ZNF438: variants seen among roughly 807,000 people sequenced by gnomAD.
ZNF438 encodes zinc finger protein 438.
In ZNF438, 25 loss-of-function variants were observed where a neutral mutation model predicts 38.0. The observed-to-expected ratio is 0.66, with a 90% CI of 0.48 to 0.92. The LOEUF (loss-of-function observed/expected upper bound fraction) is 0.92. ZNF438 is among the 40% of genes least tolerant of loss of function. The pLI is 0.00. For synonymous variants in ZNF438, 372 were observed against 364.1 expected (o/e 1.02, Z -0.25); for missense variants, 1,007 against 999.6 (o/e 1.01, Z -0.10).
At chr10:30,946,624 A>G (rs2047445301) in intron 1 of ZNF438, among the ~76,000 whole-genome samples, 1 of 152,246 alleles carries the variant, frequency 6.6e-6, no homozygotes, top group Non-Finnish European at 1.5e-5. Flanking sequence ...ATATATTTGA[A>G]GGGAATATTT....
At chr10:31,010,909 AAAAAAAAAAAAAAG>A in intron 1 of ZNF438, among the ~76,000 whole-genome samples, 1 of 126,986 alleles carries the variant, frequency 7.9e-6, no homozygotes, top group African/African-American at 2.7e-5. Flanking sequence ...AAAAAAAAAA[AAAAAAAAAAAAAAG>A]ATTTTGTTGA....
chr10:30,879,794 CA>C (rs776535446), intron 3 of ZNF438, among the ~76,000 whole-genome samples: 7 of 151,542 alleles, frequency 4.6e-5, no homozygotes, highest in Admixed American at 2.6e-4. Context: ...ATTAAAAAAA[CA>C]AAAAACAAAA....
intron 3 of ZNF438, among the ~76,000 whole-genome samples, chr10:30,901,336 G>C (rs1022636114): frequency 1.3e-5 from 2 of 152,210 alleles, no homozygotes; most frequent in Middle Eastern, 6.3e-3. Flanking sequence ...GGAATTGGTG[G>C]GTTCTTGGTC....
intron 4 of ZNF438, among the ~76,000 whole-genome samples, chr10:30,861,972 T>C (rs1223209771): frequency 3.3e-5 from 5 of 152,208 alleles, no homozygotes; most frequent in African/African-American, 1.2e-4. Context: ...CTGAAATGCT[T>C]TGTTAACCCC....
At chr10:30,852,933 T>C (rs548605280) in intron 4 of ZNF438, among the ~76,000 whole-genome samples, 3 of 152,326 alleles carry the variant, frequency 2.0e-5, no homozygotes, top group African/African-American at 7.2e-5. Flanking sequence ...GCCTTTAAAT[T>C]TAAATGTTTT....
chr10:31,027,703 A>C (rs1160781849), intron 1 of ZNF438, among the ~76,000 whole-genome samples: 1 of 152,192 alleles, frequency 6.6e-6, no homozygotes, highest in Non-Finnish European at 1.5e-5. Flanking sequence ...AACTCCATTA[A>C]ATGTAGGGAA....
At chr10:31,011,558 A>C (rs1007374372) in intron 1 of ZNF438, among the ~76,000 whole-genome samples, 1 of 152,230 alleles carries the variant, frequency 6.6e-6, no homozygotes, top group Non-Finnish European at 1.5e-5. Context: ...AAAACAGGAA[A>C]GGGTGCGGTA....
rs1231941767 is a variant in ZNF438, at chr10:30,900,964, G to A, written c.-32+7969C>T. Among the ~76,000 whole-genome samples the A allele has an allele frequency of 2.6e-5, 4 of 152,120 alleles. No individual in the cohort carries two copies. In the East Asian group the frequency reaches 7.7e-4, roughly 29 times the overall value. ...AACAAATGTTAGTAAAAATACCCCAGGAGAAAAATGCAAAAGGCAGTTCAC... is the reference window on the plus strand; with the variant it reads ...AACAAATGTTAGTAAAAATACCCCAAGAGAAAAATGCAAAAGGCAGTTCAC... On this transcript the variant is annotated intron_variant, in intron 3 of 5. Transcript: ENST00000413025.
chr10:31,020,840 C>T lies in ZNF438; in HGVS notation c.-192+10993G>A, dbSNP rs77906745. Among the ~76,000 whole-genome samples, 49 of 151,680 alleles carry T rather than the reference C, an allele frequency of 3.2e-4. No individual in the cohort carries two copies. In the East Asian group the frequency reaches 8.9e-3, roughly 28 times the overall value. ...TTTCACACTAGGCTAAGATTAACCTCTTAAGGTTAACTATCATACAGGTCA... is the reference window on the plus strand; with the variant it reads ...TTTCACACTAGGCTAAGATTAACCTTTTAAGGTTAACTATCATACAGGTCA... On this transcript the variant is annotated intron_variant, in intron 1 of 5. Coordinates refer to ENST00000413025, the Ensembl canonical transcript of ZNF438.
chr10:31,021,054 CTT>C (rs9331411), intron 1 of ZNF438, among the ~76,000 whole-genome samples: 69,766 of 128,956 alleles, frequency 0.54, 17,699 homozygotes, highest in Middle Eastern at 0.6. Context: ...ACAACAGCAA[CTT>C]TTTTTTTTTT....
At chr10:31,020,493 C>T (rs1311659947) in intron 1 of ZNF438, among the ~76,000 whole-genome samples, 3 of 152,088 alleles carry the variant, frequency 2.0e-5, no homozygotes, top group Non-Finnish European at 4.4e-5. Context: ...TTTATGGGTA[C>T]TTGGCGTCAG....
chr10:30,911,742 A>G (rs1233722186), intron 2 of ZNF438, among the ~76,000 whole-genome samples: 2 of 151,998 alleles, frequency 1.3e-5, no homozygotes, highest in Non-Finnish European at 2.9e-5. Flanking sequence ...CTTCAGTACT[A>G]TTCTCCTCTT....
At chr10:31,029,331 A>ACTG (rs2057134926) in intron 1 of ZNF438, among the ~76,000 whole-genome samples, 1 of 110,224 alleles carries the variant, frequency 9.1e-6, no homozygotes, top group African/African-American at 3.7e-5. Context: ...ACATAATACT[A>ACTG]TTTTTACTAG....
chr10:30,943,324 G>A (rs2047018586), intron 1 of ZNF438, among the ~76,000 whole-genome samples: 1 of 152,050 alleles, frequency 6.6e-6, no homozygotes, highest in Admixed American at 6.6e-5. Flanking sequence ...AAAGTTGAGG[G>A]AATTCAGACC....
intron 3 of ZNF438, among the ~76,000 whole-genome samples, chr10:30,896,647 T>C (rs2934633): frequency 0.78 from 118,576 of 151,848 alleles, 47,063 homozygotes; most frequent in African/African-American, 0.89. Flanking sequence ...CTGGGGGATA[T>C]GGGGTTGTGG....
At position 31,021,790 on chromosome 10, in the gene ZNF438, G is replaced by A. The variant is rs201916352; in HGVS notation, c.-192+10043C>T. On this transcript the variant is annotated intron_variant, in intron 1 of 5. Coordinates refer to ENST00000413025, the Ensembl canonical transcript of ZNF438. ...CCAAAAACTACACCACAATACAGTG[G>A]TGGTTCAAGAAGTTTTGCAAAGGAG... Among the ~76,000 whole-genome samples, 16 of 152,254 alleles carry A rather than the reference G, an allele frequency of 1.1e-4. 1 individual carries two copies. In the East Asian group the frequency reaches 3.1e-3, roughly 29 times the overall value.
intron 3 of ZNF438, among the ~76,000 whole-genome samples, chr10:30,896,876 G>A (rs1452407777): frequency 6.6e-6 from 1 of 152,184 alleles, no homozygotes; most frequent in African/African-American, 2.4e-5. Context: ...TGTGATCATA[G>A]TACTGACATG....
In ZNF438 at chr10:30,916,980, CTTTT is replaced by C. The variant is rs925971186; in HGVS notation, c.-114-7969_-114-7966del. 1.7e-4 allele frequency among the ~76,000 whole-genome samples: 26 copies of C among 151,982 alleles called. 1 individual carries two copies. The highest frequency in any genetic ancestry group is 1.3e-3 in the Admixed American group (20 of 15,248). ...GTACTTCCTTGTGATTTTTAAAGCT[CTTTT>C]TTATTTCTTGAGGCAAAATTTATAT... On this transcript the variant is annotated intron_variant, in intron 2 of 5. Transcript: ENST00000413025.
At chr10:30,936,327 T>A (rs1378612913) in intron 2 of ZNF438, among the ~76,000 whole-genome samples, 1 of 152,168 alleles carries the variant, frequency 6.6e-6, no homozygotes, top group African/African-American at 2.4e-5. Flanking sequence ...AAACAAACCA[T>A]CCACTTTCTG....
Sources: allele counts gnomAD v4.1 joint callset (sites outside exome capture counted in the v4.1 genomes callset), GRCh38; gene constraint gnomAD v4.1.1; transcripts MANE v1.5; gene names NCBI Gene and HGNC (gene_info 2026-07-23, HGNC 2026-07-21).